Variants in GALNT13 observed in about 807,000 individuals in gnomAD.
The protein encoded by GALNT13 is polypeptide N-acetylgalactosaminyltransferase 13, also known as UDP-GalNAc:polypeptide N-acetylgalactosaminyltransferase 13.
Under a neutral mutation model 64.2 loss-of-function variants are expected in GALNT13, and 28 were observed. That is an observed-to-expected ratio of 0.44 (90% CI 0.32 to 0.60). GALNT13 has a LOEUF of 0.60. Among genes scored for constraint, GALNT13 ranks in the 20% least tolerant of loss-of-function variants. GALNT13 has a pLI of 0.05. For missense variants in GALNT13, 577 were observed against 669.8 expected, an observed-to-expected ratio of 0.86 and a Z score of 1.53; for synonymous variants, 214 against 224.6, an observed-to-expected ratio of 0.95 and a Z score of 0.42.
the GALNT13 span, among the ~76,000 whole-genome samples, chr2:153,430,055 G>A: frequency 6.6e-6 from 1 of 152,256 alleles, no homozygotes; most frequent in South Asian, 2.1e-4. Context: ...TGGGAACTGT[G>A]TGAATCATTA....
intron 12 of GALNT13, chr2:154,445,765 T>C: frequency 7.9e-7 from 1 of 1,265,370 alleles, no homozygotes; most frequent in South Asian, 1.3e-5. Context: ...GGATTTATTG[T>C]CTGCACTGGT....
At chr2:153,722,597 C>G in the GALNT13 span, among the ~76,000 whole-genome samples, 2 of 151,738 alleles carry the variant, frequency 1.3e-5, no homozygotes, top group Non-Finnish European at 2.9e-5. Context: ...ATCAAATAGA[C>G]ACAATAAAAA....
intron 2 of GALNT13, among the ~76,000 whole-genome samples, chr2:153,906,809 A>G (rs11890528): frequency 0.1 from 15,138 of 151,324 alleles, 1,654 homozygotes; most frequent in East Asian, 0.6. Flanking sequence ...TAGATCCCTG[A>G]GGAATCGCCA....
At chr2:153,422,496 C>G in the GALNT13 span, among the ~76,000 whole-genome samples, 11,385 of 152,170 alleles carry the variant, frequency 0.075, 496 homozygotes, top group South Asian at 0.14. Context: ...AACAATACTG[C>G]ATTGTCCACT....
intron 3 of GALNT13, among the ~76,000 whole-genome samples, chr2:154,072,869 T>C (rs998414999): frequency 2.0e-5 from 3 of 151,942 alleles, no homozygotes; most frequent in African/African-American, 7.2e-5. Flanking sequence ...TAAAATGAAG[T>C]GTAATAATTT....
rs561316986 is a variant in GALNT13 at position 153,905,220 on chromosome 2, T to C, written c.-105+4213T>C. Among the ~76,000 whole-genome samples the C allele has an allele frequency of 4.6e-5, 7 of 152,068 alleles. No homozygotes were observed. The South Asian group carries it at 6.2e-4, about 13-fold the overall frequency. On this transcript the variant is annotated intron_variant, in intron 2 of 12. Transcript: ENST00000392825. ...TGCATTCAATCTATTGTTAAGTAAA[T>C]TTTTAAAGAGCTGGTGTAATTACAA...
chr2:153,551,814 G>T, the GALNT13 span, among the ~76,000 whole-genome samples: 1 of 152,092 alleles, frequency 6.6e-6, no homozygotes, highest in African/African-American at 2.4e-5. Context: ...GTAGGTCAGG[G>T]CATAATTCTA....
At chr2:153,137,255 G>C in the GALNT13 span, among the ~76,000 whole-genome samples, 327 of 152,174 alleles carry the variant, frequency 2.1e-3, 8 homozygotes, top group East Asian at 0.053. Context: ...AACTCACTTT[G>C]ATCTTAAGTT....
intron 3 of GALNT13, among the ~76,000 whole-genome samples, chr2:154,021,593 G>T (rs1697500682): frequency 6.6e-6 from 1 of 151,912 alleles, no homozygotes; most frequent in Non-Finnish European, 1.5e-5. Context: ...AGCTTGAGGA[G>T]ATTTTGGGCT....
At chr2:153,391,013 A>G in the GALNT13 span, among the ~76,000 whole-genome samples, 1 of 152,044 alleles carries the variant, frequency 6.6e-6, no homozygotes, top group Non-Finnish European at 1.5e-5. Flanking sequence ...GATTTGGTTT[A>G]ATTGAGAGTG....
the GALNT13 span, among the ~76,000 whole-genome samples, chr2:153,582,123 G>C: frequency 6.6e-6 from 1 of 152,060 alleles, no homozygotes; most frequent in Non-Finnish European, 1.5e-5. Context: ...AAAAATGCTT[G>C]TTGTTTCTGG....
the GALNT13 span, among the ~76,000 whole-genome samples, chr2:153,319,383 C>T: frequency 0.16 from 24,396 of 152,202 alleles, 2,257 homozygotes; most frequent in Non-Finnish European, 0.22. Flanking sequence ...AAGCAATCCT[C>T]CCACCTCAGC....
At chr2:154,290,070 T>C (rs1692510973) in intron 8 of GALNT13, among the ~76,000 whole-genome samples, 1 of 152,166 alleles carries the variant, frequency 6.6e-6, no homozygotes. Context: ...CTATAAAAGT[T>C]GGGGCACTCA....
the GALNT13 span, among the ~76,000 whole-genome samples, chr2:153,378,766 C>T: frequency 1.3e-5 from 2 of 152,082 alleles, no homozygotes; most frequent in Admixed American, 1.3e-4. Context: ...AGATATGGGA[C>T]AGTTTTTTTC....
At chr2:153,997,932 T>C (rs1265735369) in intron 3 of GALNT13, among the ~76,000 whole-genome samples, 2 of 152,198 alleles carry the variant, frequency 1.3e-5, no homozygotes, top group Non-Finnish European at 2.9e-5. Context: ...CTGAGAATGA[T>C]GGTTTCCAGC....
At position 154,041,484 on chromosome 2, in the gene GALNT13, G is replaced by T. The variant is rs897495361; in HGVS notation, c.142+96845G>T. Reference sequence around the variant, plus strand: ...AGGTTTTTTTCTGGACAGATATTAAGACAGAATCAATCAAAACCAACGTAA... The same window carrying T: ...AGGTTTTTTTCTGGACAGATATTAATACAGAATCAATCAAAACCAACGTAA... On this transcript the variant is annotated intron_variant, in intron 3 of 12. Transcript: ENST00000392825. Among the ~76,000 whole-genome samples, 16 of 139,790 alleles carry T rather than the reference G, an allele frequency of 1.1e-4. 1 individual carries two copies. Among genetic ancestry groups the T allele is most frequent in the African/African-American group, 3.9e-4 (16 of 40,778 alleles). The allele number at this position is 139,790 out of a possible 152,430, so 91.7% of individuals were successfully genotyped here.
chr2:153,610,417 G>A, the GALNT13 span, among the ~76,000 whole-genome samples: 1 of 152,164 alleles, frequency 6.6e-6, no homozygotes. Context: ...GCTCACACCT[G>A]TAATCCCAGC....
chr2:153,156,900 G>A, the GALNT13 span, among the ~76,000 whole-genome samples: 1 of 152,206 alleles, frequency 6.6e-6, no homozygotes, highest in East Asian at 1.9e-4. Context: ...GACAAGGCAC[G>A]GCATTAACTG....
intron 3 of GALNT13, among the ~76,000 whole-genome samples, chr2:154,011,417 G>C (rs560626725): frequency 1.3e-5 from 2 of 151,922 alleles, no homozygotes; most frequent in Non-Finnish European, 2.9e-5. Context: ...TTTTTATAGC[G>C]CTGTGGTCTG....
Sources: allele counts gnomAD v4.1 joint callset (sites outside exome capture counted in the v4.1 genomes callset), GRCh38; gene constraint gnomAD v4.1.1; transcripts MANE v1.5; gene names NCBI Gene and HGNC (gene_info 2026-07-23, HGNC 2026-07-21).